SNX24: variants seen among roughly 807,000 people sequenced by gnomAD.
SNX24 encodes sorting nexin 24, also known as sorting nexin-24.
Under a neutral mutation model 28.7 loss-of-function variants are expected in SNX24, and 22 were observed. The observed-to-expected ratio is 0.77, with a 90% CI of 0.55 to 1.10. SNX24 has a LOEUF of 1.10. Ranked by LOEUF, SNX24 falls within the 50% of genes least tolerant of loss-of-function variation. The pLI is 0.00. For missense variants in SNX24, 221 were observed against 201.1 expected, an observed-to-expected ratio of 1.10 and a Z score of -0.60; for synonymous variants, 69 against 71.5, an observed-to-expected ratio of 0.96 and a Z score of 0.18.
intron 6 of SNX24, among the ~76,000 whole-genome samples, chr5:123,004,594 C>G (rs1027339510): frequency 6.6e-6 from 1 of 152,176 alleles, no homozygotes; most frequent in Non-Finnish European, 1.5e-5. Context: ...TATTGTATCT[C>G]CATCTCAACT....
intron 1 of SNX24, among the ~76,000 whole-genome samples, chr5:122,866,912 C>G (rs1755745956): frequency 6.6e-6 from 1 of 152,164 alleles, no homozygotes; most frequent in African/African-American, 2.4e-5. Context: ...GGAACTATGA[C>G]CTCTAGGCCA....
intron 5 of SNX24, among the ~76,000 whole-genome samples, chr5:123,020,972 C>CCAA (rs1762752872): frequency 6.6e-6 from 1 of 152,146 alleles, no homozygotes; most frequent in African/African-American, 2.4e-5. Flanking sequence ...TTCTGGATGG[C>CCAA]CAACAGGACA....
At chr5:122,894,841 G>A (rs1183153245) in intron 1 of SNX24, among the ~76,000 whole-genome samples, 1 of 152,168 alleles carries the variant, frequency 6.6e-6, no homozygotes. Flanking sequence ...TAGAAGTGGG[G>A]TGAGACAAAT....
downstream of SNX24, among the ~76,000 whole-genome samples, chr5:123,009,625 T>C (rs761427209): frequency 6.6e-6 from 1 of 151,858 alleles, no homozygotes; most frequent in African/African-American, 2.4e-5. Context: ...ATCACACTTA[T>C]GCACTACACA....
chr5:122,931,167 T>A (rs1758937684), intron 1 of SNX24, among the ~76,000 whole-genome samples: 1 of 152,168 alleles, frequency 6.6e-6, no homozygotes, highest in Non-Finnish European at 1.5e-5. Context: ...TCTTCCCCCC[T>A]ACCCAAAATA....
rs989572167 is a variant in SNX24 at position 122,910,512 on chromosome 5, C to T, written c.61-26222C>T. 9.2e-5 allele frequency among the ~76,000 whole-genome samples: 14 copies of T among 151,786 alleles called. No homozygotes were observed. The South Asian group carries it at 1.5e-3, about 16-fold the overall frequency. ...CTTTAAGTTTTAGGGTACATGTGCACAATGTGCAGGTTAGTTACATATGTA... is the reference window on the plus strand; with the variant it reads ...CTTTAAGTTTTAGGGTACATGTGCATAATGTGCAGGTTAGTTACATATGTA... On this transcript the variant is annotated intron_variant, in intron 1 of 6. Transcript: ENST00000261369.
chr5:122,981,086 A>G (rs1317342620), intron 3 of SNX24, among the ~76,000 whole-genome samples: 1 of 152,238 alleles, frequency 6.6e-6, no homozygotes, highest in Non-Finnish European at 1.5e-5. Context: ...TTGTGAAAAT[A>G]TTAAAGCAAA....
intron 1 of SNX24, among the ~76,000 whole-genome samples, chr5:122,862,436 A>G (rs1292125015): frequency 6.6e-6 from 1 of 151,986 alleles, no homozygotes; most frequent in East Asian, 1.9e-4. Flanking sequence ...TAACAAGGTG[A>G]AACCCCGTCT....
At chr5:122,996,620 C>G (rs1190980203) in intron 3 of SNX24, among the ~76,000 whole-genome samples, 2 of 152,158 alleles carry the variant, frequency 1.3e-5, no homozygotes, top group Admixed American at 6.5e-5. Context: ...AGCATCTATC[C>G]ATCGCTGATT....
chr5:122,863,557 A>G (rs150718924), intron 1 of SNX24, among the ~76,000 whole-genome samples: 2 of 151,354 alleles, frequency 1.3e-5, no homozygotes, highest in African/African-American at 2.4e-5. Flanking sequence ...GGAGGAGACA[A>G]GGTCTTACTT....
intron 3 of SNX24, among the ~76,000 whole-genome samples, chr5:122,970,717 C>T (rs1268923653): frequency 1.3e-5 from 2 of 152,226 alleles, no homozygotes; most frequent in Non-Finnish European, 2.9e-5. Context: ...ATCCGCCCGT[C>T]TTGGCCTCCC....
At chr5:123,022,001 G>A (rs1021551599) in intron 5 of SNX24, among the ~76,000 whole-genome samples, 6 of 152,004 alleles carry the variant, frequency 3.9e-5, no homozygotes, top group South Asian at 2.1e-4. Context: ...CTTCCACTCC[G>A]ACGATGCTTC....
chr5:122,920,703 G>A (rs1758394880), intron 1 of SNX24, among the ~76,000 whole-genome samples: 1 of 152,142 alleles, frequency 6.6e-6, no homozygotes. Flanking sequence ...TCCTATCTGT[G>A]TGGCTAATAA....
chr5:123,002,081 G>A (rs772628965), intron 6 of SNX24, 77 bp downstream of exon 6: 11 of 1,094,936 alleles, frequency 1.0e-5, no homozygotes, highest in Admixed American at 6.7e-5. Context: ...TTTAATACAG[G>A]TCTAACAGAG....
At chr5:122,932,716 G>A (rs532627311) in intron 1 of SNX24, among the ~76,000 whole-genome samples, 2 of 152,172 alleles carry the variant, frequency 1.3e-5, no homozygotes, top group Non-Finnish European at 2.9e-5. Flanking sequence ...AAAATTAGCT[G>A]GGCATGGTGG....
chr5:122,998,630 G>A (rs1762135417), intron 3 of SNX24, among the ~76,000 whole-genome samples: 1 of 152,156 alleles, frequency 6.6e-6, no homozygotes, highest in Non-Finnish European at 1.5e-5. Context: ...GGAGGGTTCT[G>A]CTCTAGTGTG....
intron 3 of SNX24, among the ~76,000 whole-genome samples, chr5:122,990,594 A>G (rs1184906998): frequency 6.6e-6 from 1 of 152,220 alleles, no homozygotes; most frequent in Non-Finnish European, 1.5e-5. Flanking sequence ...CTTTAAAAAC[A>G]TCAATTCATC....
intron 1 of SNX24, among the ~76,000 whole-genome samples, chr5:122,871,930 T>A (rs2150052451): frequency 6.6e-6 from 1 of 152,158 alleles, no homozygotes; most frequent in East Asian, 1.9e-4. Context: ...TTCCCTGAGC[T>A]GCATTCCTTA....
At chr5:123,022,062 A>G (rs919818024) in intron 5 of SNX24, among the ~76,000 whole-genome samples, 11 of 151,690 alleles carry the variant, frequency 7.3e-5, no homozygotes, top group Non-Finnish European at 1.5e-4. Flanking sequence ...CACAGCACTC[A>G]TCACCCTTTT....
Sources: gnomAD v4.1 joint callset for allele counts (sites outside exome capture counted in the v4.1 genomes callset) on GRCh38, gnomAD v4.1.1 for gene constraint, MANE v1.5 for transcripts, NCBI Gene and HGNC (gene_info 2026-07-23, HGNC 2026-07-21) for gene names.